The following HMGB1 variants were observed in gnomAD, a reference collection of about 807,000 sequenced individuals.
The protein encoded by HMGB1 is high mobility group box 1, also known as high mobility group protein B1.
For missense variants in HMGB1, 79 were observed against 253.5 expected (o/e 0.31, Z 4.67); for synonymous variants, 81 against 84.0 (o/e 0.96, Z 0.19).
rs542154871 is a variant in HMGB1, at chr13:30,503,999, G to A, written c.-14-40305C>T. Among the ~76,000 whole-genome samples the A allele has an allele frequency of 2.8e-5, 4 of 143,160 alleles. No homozygotes were observed. The South Asian group carries it at 9.5e-4, about 34-fold the overall frequency. The allele number at this position is 143,160 out of a possible 152,430, so 93.9% of individuals were successfully genotyped here. ...TGTATTGTGTATTTTGGTGTTTTGG[G>A]AGCACCCATGGAAAAAATCACCATT... On this transcript the variant is annotated intron_variant, in intron 1 of 4. Transcript: ENST00000405805.
chr13:30,597,612 C>T (rs1175971676), intron 1 of HMGB1, among the ~76,000 whole-genome samples: 2 of 152,172 alleles, frequency 1.3e-5, no homozygotes, highest in African/African-American at 4.8e-5. Context: ...TACAGTATAC[C>T]ACAAGCCTGT....
chr13:30,605,471 AATC>A (rs895059223), intron 1 of HMGB1, among the ~76,000 whole-genome samples: 1 of 152,246 alleles, frequency 6.6e-6, no homozygotes, highest in African/African-American at 2.4e-5. Flanking sequence ...AGTCTGAGAG[AATC>A]ATTATACTCA....
At chr13:30,580,926 G>A (rs1341252451) in intron 1 of HMGB1, among the ~76,000 whole-genome samples, 1 of 152,082 alleles carries the variant, frequency 6.6e-6, no homozygotes, top group African/African-American at 2.4e-5. Context: ...GGAGCTATAG[G>A]AGGCCATTCT....
chr13:30,500,187 C>T (rs968684325), intron 1 of HMGB1, among the ~76,000 whole-genome samples: 2 of 152,128 alleles, frequency 1.3e-5, no homozygotes, highest in African/African-American at 4.8e-5. Flanking sequence ...GCTTTTCCAC[C>T]ATGTTAAGAT....
intron 1 of HMGB1, among the ~76,000 whole-genome samples, chr13:30,545,713 T>A (rs188089200): frequency 1.8e-3 from 280 of 152,290 alleles, no homozygotes; most frequent in Non-Finnish European, 3.1e-3. Flanking sequence ...GGGTTTTTCT[T>A]GAGACAAGGT....
At chr13:30,606,889 T>C (rs752753860) in intron 1 of HMGB1, among the ~76,000 whole-genome samples, 3 of 152,264 alleles carry the variant, frequency 2.0e-5, no homozygotes, top group Admixed American at 6.5e-5. Flanking sequence ...TGAATAGCTA[T>C]AGAAGACAAA....
At chr13:30,485,696 G>C (rs1464124424) in intron 1 of HMGB1, among the ~76,000 whole-genome samples, 1 of 152,162 alleles carries the variant, frequency 6.6e-6, no homozygotes, top group African/African-American at 2.4e-5. Flanking sequence ...GAAAAGCACA[G>C]GTAGGGTGAA....
At chr13:30,557,366 A>C (rs947008877) in intron 1 of HMGB1, among the ~76,000 whole-genome samples, 1 of 152,186 alleles carries the variant, frequency 6.6e-6, no homozygotes, top group African/African-American at 2.4e-5. Context: ...CGAGTTCCAG[A>C]GCTAAAAAGA....
Position 30,461,218 on chromosome 13 carries a change from C to T in HMGB1, c.*139G>A. The T allele has an allele frequency of 8.1e-7, 1 of 1,232,588 alleles. No homozygotes were observed. The highest frequency in any genetic ancestry group is 1.1e-6 in the Non-Finnish European group (1 of 906,828). The allele number at this position is 1,232,588 out of a possible 1,614,324, so 76.4% of individuals were successfully genotyped here. A position where few individuals can be genotyped will look rare whatever the true frequency, so the allele number is the denominator to read the frequency against. On this transcript the variant is annotated 3_prime_UTR_variant, in exon 5 of 5. Coordinates refer to ENST00000341423, the MANE Select transcript of HMGB1 (RefSeq NM_002128.7). ...CACATTCGGTAGTGTGTTAACTATA[C>T]AAAAAAAGACACTGTACAGTTTAAA... is the stretch of plus-strand genomic sequence containing the variant.
chr13:30,584,978 T>A (rs1871079755), intron 1 of HMGB1, among the ~76,000 whole-genome samples: 1 of 151,822 alleles, frequency 6.6e-6, no homozygotes. Flanking sequence ...CAAAACCCCA[T>A]CTCTATAAAA....
intron 1 of HMGB1, chr13:30,464,196 A>C (rs1041129034): frequency 1.0e-6 from 1 of 984,940 alleles, no homozygotes; most frequent in Non-Finnish European, 1.2e-6. Flanking sequence ...CCCTCTTTGC[A>C]TAAAACTTTG....
chr13:30,552,964 C>A (rs563278329), intron 1 of HMGB1, among the ~76,000 whole-genome samples: 5 of 152,278 alleles, frequency 3.3e-5, no homozygotes, highest in Admixed American at 3.3e-4. Context: ...ACACAGGAGT[C>A]CCATGGGAAC....
intron 1 of HMGB1, among the ~76,000 whole-genome samples, chr13:30,532,951 C>T (rs1016599060): frequency 6.6e-6 from 1 of 152,130 alleles, no homozygotes; most frequent in Non-Finnish European, 1.5e-5. Context: ...TCTTTAAATC[C>T]TCATTACAAC....
chr13:30,588,439 C>T (rs149676459), intron 1 of HMGB1, among the ~76,000 whole-genome samples: 4 of 152,080 alleles, frequency 2.6e-5, no homozygotes, highest in Non-Finnish European at 5.9e-5. Context: ...TGTAAAAACT[C>T]GGAGACAGGA....
intron 1 of HMGB1, among the ~76,000 whole-genome samples, chr13:30,488,037 C>T (rs887414105): frequency 6.6e-6 from 1 of 152,184 alleles, no homozygotes; most frequent in South Asian, 2.1e-4. Flanking sequence ...GAAGCCTGCA[C>T]TTAGAAAAGA....
intron 1 of HMGB1, among the ~76,000 whole-genome samples, chr13:30,593,757 C>A (rs1189237555): frequency 6.6e-6 from 1 of 152,040 alleles, no homozygotes; most frequent in African/African-American, 2.4e-5. Context: ...CGAGTCTAAT[C>A]ATAAAAAAAA....
At position 30,537,661 on chromosome 13, in the gene HMGB1, A is replaced by C. The variant is rs1337370802; in HGVS notation, c.-14-73967T>G. Among the ~76,000 whole-genome samples the C allele has an allele frequency of 3.9e-3, 272 of 70,642 alleles. 1 individual carries two copies. The highest frequency in any genetic ancestry group is 0.028 in the African/African-American group (262 of 9,466). The allele number at this position is 70,642 out of a possible 152,430, so 46.3% of individuals were successfully genotyped here. On this transcript the variant is annotated intron_variant, in intron 1 of 4. Coordinates refer to the HMGB1 transcript ENST00000405805. ...TTCATTCATTCTTGTTCATATATAT[A>C]TATATATATATATATATATATATAT...
At chr13:30,481,858 A>G (rs1404378180) in intron 1 of HMGB1, among the ~76,000 whole-genome samples, 1 of 151,662 alleles carries the variant, frequency 6.6e-6, no homozygotes, top group Admixed American at 6.6e-5. Context: ...TTTTCTTTTG[A>G]AATGGAGTCT....
At chr13:30,585,969 C>T (rs1285657660) in intron 1 of HMGB1, among the ~76,000 whole-genome samples, 1 of 152,168 alleles carries the variant, frequency 6.6e-6, no homozygotes, top group Admixed American at 6.5e-5. Context: ...AATCTGGCAT[C>T]GGTTCTCAGT....
Sources: gnomAD v4.1 joint callset for allele counts (sites outside exome capture counted in the v4.1 genomes callset) on GRCh38, gnomAD v4.1.1 for gene constraint, MANE v1.5 for transcripts, NCBI Gene and HGNC (gene_info 2026-07-23, HGNC 2026-07-21) for gene names.